The following LNX1 variants were observed in gnomAD, a reference collection of about 807,000 sequenced individuals.
LNX1 encodes the protein ligand of numb-protein X 1, also known as E3 ubiquitin-protein ligase LNX.
Under a neutral mutation model 68.4 loss-of-function variants are expected in LNX1, and 54 were observed. The observed-to-expected ratio is 0.79, with a 90% CI of 0.63 to 0.99. The LOEUF is 0.99. Ranked by LOEUF, LNX1 falls within the 50% of genes least tolerant of loss-of-function variation. LNX1 has a pLI of 0.00. For synonymous variants in LNX1, 336 were observed against 350.0 expected (o/e 0.96, Z 0.45); for missense variants, 906 against 926.4 (o/e 0.98, Z 0.29).
chr4:53,482,876 A>C (rs1255119890), intron 6 of LNX1, among the ~76,000 whole-genome samples: 22 of 152,258 alleles, frequency 1.4e-4, no homozygotes, highest in Admixed American at 1.4e-3. Context: ...AAAAAACTGC[A>C]AAAGAGTAAT....
intron 4 of LNX1, among the ~76,000 whole-genome samples, chr4:53,499,230 C>CT (rs1414996795): frequency 1.3e-5 from 2 of 152,164 alleles, no homozygotes; most frequent in Admixed American, 6.5e-5. Flanking sequence ...AATGCAGTGT[C>CT]TCACTACAAC....
At chr4:53,564,791 C>A (rs1001841924) in intron 2 of LNX1, among the ~76,000 whole-genome samples, 3 of 152,126 alleles carry the variant, frequency 2.0e-5, no homozygotes, top group African/African-American at 7.2e-5. Flanking sequence ...GTGCGCGCAC[C>A]CTGCGCCAGC....
chr4:53,639,955 C>T (rs1310432573), intron 1 of LNX1, among the ~76,000 whole-genome samples: 1 of 152,140 alleles, frequency 6.6e-6, no homozygotes, highest in Non-Finnish European at 1.5e-5. Flanking sequence ...ATTGCTTGAA[C>T]CCAGAGGCAG....
intron 1 of LNX1, among the ~76,000 whole-genome samples, chr4:53,589,671 G>A (rs531153081): frequency 6.6e-6 from 1 of 152,326 alleles, no homozygotes; most frequent in Non-Finnish European, 1.5e-5. Context: ...CTTGCTCAAG[G>A]ATATAAATGA....
rs559594241 is a variant in LNX1 at position 53,459,765 on chromosome 4, G to A, written c.*1142C>T. On this transcript the variant is annotated 3_prime_UTR_variant, in exon 11 of 11. Transcript: ENST00000263925. The stretch of plus-strand genomic sequence containing the variant: ...CAGATTATCTGAGAAAAGGTCAAGG[G>A]TTCCACTTGGGCCACAGTTTTTTTG... The A allele has an allele frequency of 3.0e-6, 1 of 331,566 alleles. No homozygotes were observed. Among genetic ancestry groups the A allele is most frequent in the East Asian group, 5.1e-5 (1 of 19,526 alleles). 20.5% of individuals were successfully genotyped at this position (331,566 alleles called of 1,614,324 possible).
intron 1 of LNX1, among the ~76,000 whole-genome samples, chr4:53,651,233 A>G (rs750277649): frequency 1.3e-5 from 2 of 152,134 alleles, no homozygotes; most frequent in Admixed American, 6.5e-5. Flanking sequence ...CTCTCCCTCA[A>G]TCCAAGTCCA....
intron 4 of LNX1, among the ~76,000 whole-genome samples, chr4:53,499,430 A>AT (rs1213400384): frequency 6.6e-6 from 1 of 152,132 alleles, no homozygotes; most frequent in African/African-American, 2.4e-5. Context: ...AAGTGCTGGG[A>AT]TTACAGGTGT....
At chr4:53,648,779 C>T (rs1419733339) in intron 1 of LNX1, among the ~76,000 whole-genome samples, 2 of 152,306 alleles carry the variant, frequency 1.3e-5, no homozygotes, top group East Asian at 1.9e-4. Flanking sequence ...GTTTCAAAAA[C>T]TCCCTCAGTC....
Position 53,478,704 on chromosome 4 carries a change from T to C in LNX1, c.1524A>G (p.Val508=). Residue 508 remains valine (V), a synonymous_variant, in exon 8 of 11, where the codon GTA becomes GTG. Coordinates refer to ENST00000263925, the MANE Select transcript of LNX1 (RefSeq NM_001126328.3). ...ATTCACCGGGGTCTTTTTGGATATT[T>C]ACCACCTTCTCATGACAAGTAATTG... is the stretch of plus-strand genomic sequence containing the variant. ...HPTITCHEKV[V]NIQKDPGESL... is the part of the protein sequence containing the mutation. 2.5e-6 allele frequency: 4 copies of C among 1,614,120 alleles called. No homozygotes were observed. The highest frequency in any genetic ancestry group is 3.4e-6 in the Non-Finnish European group (4 of 1,179,972).
At chr4:53,583,742 C>T (rs1004916773) in intron 1 of LNX1, among the ~76,000 whole-genome samples, 4 of 152,134 alleles carry the variant, frequency 2.6e-5, no homozygotes, top group Admixed American at 6.5e-5. Context: ...GACAATTAGA[C>T]GCAAGTTTTA....
intron 6 of LNX1, among the ~76,000 whole-genome samples, chr4:53,495,079 G>C (rs1724953297): frequency 6.6e-6 from 1 of 152,156 alleles, no homozygotes; most frequent in East Asian, 1.9e-4. Context: ...CTTCTGTTAT[G>C]ACTGTTAATG....
At chr4:53,618,652 G>C (rs1733762811), upstream of LNX1, among the ~76,000 whole-genome samples, 1 of 152,292 alleles carries the variant, frequency 6.6e-6, no homozygotes, top group East Asian at 1.9e-4. Flanking sequence ...GGAGGGCCTT[G>C]AAGGCAGTGC....
intron 9 of LNX1, 75 bp downstream of exon 9, chr4:53,476,677 AG>A: frequency 1.6e-6 from 2 of 1,227,468 alleles, no homozygotes; most frequent in Non-Finnish European, 2.4e-6. Flanking sequence ...AATCAGCCCT[AG>A]AGAGTGAAAG....
chr4:53,574,213 A>C, intron 1 of LNX1, 125 bp from the exon 2 acceptor site: 2 of 770,412 alleles, frequency 2.6e-6, no homozygotes, highest in East Asian at 5.7e-5. Context: ...GCCAGGGTTG[A>C]GGGTCCACTC....
At chr4:53,478,504 G>A (rs1489565678) in intron 8 of LNX1, 61 bp downstream of exon 8, 16 of 1,415,002 alleles carry the variant, frequency 1.1e-5, no homozygotes, top group Non-Finnish European at 2.9e-6. Flanking sequence ...CACCTAACAA[G>A]CTACTAATTT....
chr4:53,628,608 A>G (rs1247501186), intron 1 of LNX1, among the ~76,000 whole-genome samples: 2 of 152,216 alleles, frequency 1.3e-5, no homozygotes, highest in Non-Finnish European at 2.9e-5. Context: ...CATTTGACGC[A>G]GCAGTCCCAC....
At chr4:53,531,716 G>C (rs1428146453) in intron 2 of LNX1, among the ~76,000 whole-genome samples, 1 of 152,290 alleles carries the variant, frequency 6.6e-6, no homozygotes, top group East Asian at 1.9e-4. Flanking sequence ...CCCCACATTT[G>C]TAATATGTTT....
chr4:53,474,394 C>T (rs1256377802), intron 9 of LNX1, among the ~76,000 whole-genome samples: 1 of 152,140 alleles, frequency 6.6e-6, no homozygotes, highest in East Asian at 1.9e-4. Flanking sequence ...TCATGTATTG[C>T]CTGTGGCTGC....
chr4:53,512,514 G>GTA, intron 2 of LNX1, among the ~76,000 whole-genome samples: 1 of 145,306 alleles, frequency 6.9e-6, no homozygotes, highest in Non-Finnish European at 1.5e-5. Context: ...GTGTGTGTGT[G>GTA]TGTGCATGCA....
Sources: allele counts gnomAD v4.1 joint callset (sites outside exome capture counted in the v4.1 genomes callset), GRCh38; gene constraint gnomAD v4.1.1; transcripts MANE v1.5; gene names NCBI Gene and HGNC (gene_info 2026-07-23, HGNC 2026-07-21).